LIMA1: variants seen among roughly 807,000 people sequenced by gnomAD.
The protein encoded by LIMA1 is LIM domain and actin-binding protein 1.
A neutral mutation model predicts 62.6 loss-of-function variants in LIMA1; 52 were observed. That is an observed-to-expected ratio of 0.83 (90% CI 0.67 to 1.05). LIMA1 has a LOEUF of 1.05. Ranked by LOEUF, LIMA1 falls within the 50% of genes least tolerant of loss-of-function variation. The pLI is 0.00. For synonymous variants in LIMA1, 302 were observed against 317.8 expected (o/e 0.95, Z 0.53); for missense variants, 780 against 902.2 (o/e 0.86, Z 1.74).
Position 50,204,700 on chromosome 12 carries a change from C to T in LIMA1, c.716G>A (p.Gly239Asp), listed in dbSNP as rs1361564936. ...GTCAAATGTAGAAGATGACAACTGA[C>T]CTGGAAGCATCCAAATAACATGTTT... ...YSLDDLEIGP[G>D]QLSSSTFDSE... The change falls in exon 6 of 11, where the codon GGT becomes GAT. Residue 239 changes from glycine to aspartate, a missense_variant and splice_region_variant. Transcript: ENST00000341247. The T allele has an allele frequency of 1.2e-6, 2 of 1,613,948 alleles. No homozygotes were observed. Among genetic ancestry groups the T allele is most frequent in the Non-Finnish European group, 1.7e-6 (2 of 1,179,940 alleles).
rs559407625 is a variant in LIMA1 at position 50,183,522 on chromosome 12, A to G, written c.1141-1485T>C. 1.1e-4 allele frequency among the ~76,000 whole-genome samples: 17 copies of G among 152,260 alleles called. No individual in the cohort carries two copies. In the South Asian group the frequency reaches 3.5e-3, roughly 32 times the overall value. On this transcript the variant is annotated intron_variant, in intron 9 of 10. Coordinates refer to ENST00000341247, the MANE Select transcript of LIMA1 (RefSeq NM_016357.5). ...CAAGATAGAATTTTGAGTAAAAAAA[A>G]TCCAAAATAGGCTGGGTGTAGTGTC...
chr12:50,179,585 T>C (rs369246427), intron 10 of LIMA1, among the ~76,000 whole-genome samples: 152 of 149,670 alleles, frequency 1.0e-3, no homozygotes, highest in South Asian at 7.2e-3. Flanking sequence ...CTACAGGCAC[T>C]CGCCACCACA....
intron 4 of LIMA1, among the ~76,000 whole-genome samples, chr12:50,206,480 T>C (rs974570944): frequency 1.3e-5 from 2 of 152,338 alleles, no homozygotes; most frequent in African/African-American, 4.8e-5. Context: ...TACTGCATTA[T>C]ACCTCTTTAA....
At chr12:50,263,824 TATAG>T (rs1408985074) in intron 1 of LIMA1, among the ~76,000 whole-genome samples, 5 of 122,576 alleles carry the variant, frequency 4.1e-5, no homozygotes, top group African/African-American at 1.7e-4. Context: ...TCTATATATA[TATAG>T]AGAGAGTATA....
intron 6 of LIMA1, among the ~76,000 whole-genome samples, chr12:50,203,564 C>T (rs1281288022): frequency 1.3e-5 from 2 of 152,026 alleles, no homozygotes; most frequent in African/African-American, 4.8e-5. Flanking sequence ...CAGGTGCCTG[C>T]CACCATGCTG....
At position 50,177,386 on chromosome 12, in the gene LIMA1, C is replaced by A. The variant is rs1334227466; in HGVS notation, c.1958G>T (p.Trp653Leu). ...CTCTCCTTTAGATTCTTTGTTTTGC[C>A]AGGTTGTTTTTCCCACATTCCCATT... ...KKNGNVGKTT[W>L]QNKESKGETG... Residue 653 changes from tryptophan (W) to leucine (L), a missense_variant, in exon 11 of 11, where the codon TGG becomes TTG. Trp to Leu is a moderately conservative substitution (Grantham distance 61). Transcript: ENST00000341247. The A allele has an allele frequency of 6.2e-7, 1 of 1,614,010 alleles. No homozygotes were observed. Among genetic ancestry groups the A allele is most frequent in the Non-Finnish European group, 8.5e-7 (1 of 1,180,040 alleles).
At chr12:50,211,189 G>A (rs1211876665) in intron 4 of LIMA1, among the ~76,000 whole-genome samples, 1 of 151,980 alleles carries the variant, frequency 6.6e-6, no homozygotes, top group African/African-American at 2.4e-5. Flanking sequence ...CAGGCATGGT[G>A]GTGGACACCT....
At chr12:50,280,174 A>C (rs1315060377) in intron 1 of LIMA1, among the ~76,000 whole-genome samples, 1 of 16,854 alleles carries the variant, frequency 5.9e-5, no homozygotes, top group African/African-American at 2.1e-4. Flanking sequence ...TTTTTTTTTG[A>C]GACGGAGTCT....
Position 50,280,299 on chromosome 12 carries a change from C to T in LIMA1, c.-24+3121G>A, listed in dbSNP as rs535911752. Among the ~76,000 whole-genome samples the T allele has an allele frequency of 3.3e-5, 5 of 151,872 alleles. No individual in the cohort carries two copies. In the East Asian group the frequency reaches 5.8e-4, roughly 18 times the overall value. On this transcript the variant is annotated intron_variant, in intron 1 of 10. Transcript: ENST00000341247. ...CCTCCCGAGTAGCTAGGACTACAGG[C>T]GCCTGCCACCACGCCCGGCTAATTT... is the stretch of plus-strand genomic sequence containing the variant.
intron 2 of LIMA1, among the ~76,000 whole-genome samples, chr12:50,237,505 C>T (rs946524528): frequency 2.0e-5 from 3 of 152,092 alleles, no homozygotes; most frequent in Non-Finnish European, 4.4e-5. Flanking sequence ...GGCATGGTGG[C>T]TCATGCCTGT....
At chr12:50,281,294 AT>A (rs35593463) in intron 1 of LIMA1, among the ~76,000 whole-genome samples, 1 of 152,238 alleles carries the variant, frequency 6.6e-6, no homozygotes, top group Middle Eastern at 3.4e-3. Context: ...ACTTAAAAAC[AT>A]TTTTCCCCAC....
chr12:50,272,388 G>A (rs1374907677), intron 1 of LIMA1, among the ~76,000 whole-genome samples: 2 of 151,778 alleles, frequency 1.3e-5, no homozygotes, highest in East Asian at 1.9e-4. Flanking sequence ...TCGGGAGTTC[G>A]AGATCAGCCT....
At chr12:50,185,224 T>G (rs1940603177) in intron 9 of LIMA1, among the ~76,000 whole-genome samples, 1 of 152,084 alleles carries the variant, frequency 6.6e-6, no homozygotes, top group African/African-American at 2.4e-5. Context: ...AAACTTCACA[T>G]GGGATAAGAG....
rs902931075 is a variant in LIMA1 at position 50,204,715 on chromosome 12, A to G, written c.716-15T>C. 1 of 1,613,402 alleles carries G rather than the reference A, an allele frequency of 6.2e-7. No individual in the cohort carries two copies. The highest frequency in any genetic ancestry group is 1.3e-5 in the African/African-American group (1 of 74,838). ...TGACAACTGACCTGGAAGCATCCAA[A>G]TAACATGTTTTATTTTATTTCTGAG... On this transcript the variant is annotated splice_polypyrimidine_tract_variant and intron_variant, in intron 5 of 10. Coordinates refer to ENST00000341247, the MANE Select transcript of LIMA1 (RefSeq NM_016357.5).
chr12:50,189,385 G>C (rs1160560495), intron 9 of LIMA1: 1 of 152,142 alleles, frequency 6.6e-6, no homozygotes, highest in Non-Finnish European at 1.5e-5. Context: ...CACAGTCAGA[G>C]GTATAAGCAC....
chr12:50,179,432 G>C (rs1339685859), intron 10 of LIMA1, among the ~76,000 whole-genome samples: 1 of 119,324 alleles, frequency 8.4e-6, no homozygotes, highest in Non-Finnish European at 1.8e-5. Context: ...GAGCCACCAC[G>C]CCCAGCCATT....
chr12:50,207,889 CAAA>C (rs60876815), intron 4 of LIMA1, among the ~76,000 whole-genome samples: 7 of 118,190 alleles, frequency 5.9e-5, no homozygotes, highest in Non-Finnish European at 3.6e-5. Context: ...GACCCTGTCT[CAAA>C]AAAAAAAAAA....
At position 50,263,838 on chromosome 12, in the gene LIMA1, A is replaced by AG. The variant is rs1565862976; in HGVS notation, c.-23-15065_-23-15064insC. 1.4e-3 allele frequency among the ~76,000 whole-genome samples: 140 copies of AG among 97,136 alleles called. 1 individual carries two copies. Among genetic ancestry groups the AG allele is most frequent in the African/African-American group, 4.5e-3 (103 of 22,640 alleles). The allele number at this position is 97,136 out of a possible 152,430, so 63.7% of individuals were successfully genotyped here. On this transcript the variant is annotated intron_variant, in intron 1 of 10. Coordinates refer to ENST00000341247, the MANE Select transcript of LIMA1 (RefSeq NM_016357.5). ...GTCTATATATATATAGAGAGAGTAT[A>AG]TATATATATATATAGAGAGTATATA... is the stretch of plus-strand genomic sequence containing the variant.
intron 1 of LIMA1, among the ~76,000 whole-genome samples, chr12:50,263,799 G>GTT (rs1164648724): frequency 2.1e-5 from 3 of 142,052 alleles, no homozygotes; most frequent in African/African-American, 8.2e-5. Flanking sequence ...GTGTGTGTGT[G>GTT]TGTGTGTGTG....
Sources: allele counts gnomAD v4.1 joint callset (sites outside exome capture counted in the v4.1 genomes callset), GRCh38; gene constraint gnomAD v4.1.1; transcripts MANE v1.5; gene names NCBI Gene and HGNC (gene_info 2026-07-23, HGNC 2026-07-21).